Variants in TTC17 observed in about 807,000 individuals in gnomAD.
TTC17 encodes the protein tetratricopeptide repeat protein 17.
Under a neutral mutation model 143.8 loss-of-function variants are expected in TTC17, and 58 were observed. That is an observed-to-expected ratio of 0.40 (90% CI 0.33 to 0.50). The LOEUF (loss-of-function observed/expected upper bound fraction) is 0.50, where lower values mean the gene tolerates loss of function less well. Among genes scored for constraint, TTC17 ranks in the 20% least tolerant of loss-of-function variants. TTC17 has a pLI of 0.49. For synonymous variants in TTC17, 501 were observed against 497.8 expected (o/e 1.01, Z -0.09); for missense variants, 1,273 against 1,392.5 (o/e 0.91, Z 1.37).
intron 18 of TTC17, 109 bp from the exon 19 acceptor site, chr11:43,447,893 C>G (rs1057304906): frequency 1.5e-6 from 2 of 1,375,166 alleles, no homozygotes; most frequent in Non-Finnish European, 2.0e-6. Flanking sequence ...ACAGGAATGA[C>G]TAGCACCTCC....
chr11:43,390,678 GA>G (rs1278112420), intron 3 of TTC17, among the ~76,000 whole-genome samples: 2 of 149,972 alleles, frequency 1.3e-5, no homozygotes. Flanking sequence ...ATAAAAAAGA[GA>G]AAAAAATAAA....
At chr11:43,427,918 A>G (rs952460638) in intron 16 of TTC17, among the ~76,000 whole-genome samples, 3 of 152,220 alleles carry the variant, frequency 2.0e-5, no homozygotes, top group African/African-American at 7.2e-5. Flanking sequence ...CTACTCAGAT[A>G]ACTAAGTATT....
intron 16 of TTC17, among the ~76,000 whole-genome samples, chr11:43,421,518 C>T (rs1946904079): frequency 6.6e-6 from 1 of 152,128 alleles, no homozygotes; most frequent in Admixed American, 6.5e-5. Context: ...TACAGTCAGT[C>T]CCCATCACTC....
chr11:43,370,569 A>G (rs1590310894), intron 1 of TTC17, among the ~76,000 whole-genome samples: 1 of 152,090 alleles, frequency 6.6e-6, no homozygotes, highest in South Asian at 2.1e-4. Context: ...AAAAGATAAA[A>G]CATGTTACGT....
rs117568830 is a variant in TTC17, at chr11:43,482,189, T to C, written c.3031-8050T>C. On this transcript the variant is annotated intron_variant, in intron 21 of 23. Transcript: ENST00000039989. ...TCTCTTTCATTTATGTCTGCTCTTA[T>C]CTTTGTAATTTCCTTGTCTTCCGCT... is the stretch of plus-strand genomic sequence containing the variant. Among the ~76,000 whole-genome samples the C allele has an allele frequency of 7.2e-3, 1,093 of 151,964 alleles. 10 individuals carry two copies. Among genetic ancestry groups the C allele is most frequent in the Non-Finnish European group, 9.8e-3 (663 of 67,992 alleles).
rs1590438489 is a variant in TTC17 at position 43,447,933 on chromosome 11, CAGG to C, written c.2666-68_2666-66del. 8 of 1,566,788 alleles carry C rather than the reference CAGG, an allele frequency of 5.1e-6. No homozygotes were observed. In the East Asian group the frequency reaches 1.8e-4, roughly 35 times the overall value. On this transcript the variant is annotated intron_variant, in intron 18 of 23. Coordinates refer to ENST00000039989, the MANE Select transcript of TTC17 (RefSeq NM_018259.6). ...ACACCAATCCAGGTGAAGTAATCAC[CAGG>C]GCATAAGGCCCTTTGGGTTCTCTTC...
At chr11:43,408,891 A>T (rs924335628) in intron 15 of TTC17, among the ~76,000 whole-genome samples, 1 of 152,006 alleles carries the variant, frequency 6.6e-6, no homozygotes, top group South Asian at 2.1e-4. Flanking sequence ...ACAGGCATGC[A>T]CCACTGCGTA....
chr11:43,458,762 C>T (rs1286265303), intron 21 of TTC17, among the ~76,000 whole-genome samples: 3 of 152,272 alleles, frequency 2.0e-5, no homozygotes, highest in East Asian at 3.9e-4. Context: ...CCACAGTCAA[C>T]TGAGGTTCAA....
At chr11:43,484,243 CCA>C (rs1259054470) in intron 21 of TTC17, among the ~76,000 whole-genome samples, 31 of 152,156 alleles carry the variant, frequency 2.0e-4, no homozygotes, top group Non-Finnish European at 3.2e-4. Context: ...CCCAAAGACT[CCA>C]CAGTTTTTTA....
chr11:43,400,663 T>C (rs2134566841), intron 9 of TTC17, among the ~76,000 whole-genome samples: 1 of 152,348 alleles, frequency 6.6e-6, no homozygotes, highest in East Asian at 1.9e-4. Flanking sequence ...TCCAAAATTA[T>C]ATGTAGAATT....
Position 43,359,290 on chromosome 11 carries a change from C to T in TTC17, c.159+177C>T, listed in dbSNP as rs938288260. ...GACCAGGCAGGCACTTCCCGCTCCC[C>T]ACTTGTCTCCTGGTCCTCGTTTGGC... On this transcript the variant is annotated intron_variant, in intron 1 of 23. Coordinates refer to ENST00000039989, the MANE Select transcript of TTC17 (RefSeq NM_018259.6). 16 of 745,002 alleles carry T rather than the reference C, an allele frequency of 2.1e-5. No individual in the cohort carries two copies. In the African/African-American group the frequency reaches 2.4e-4, roughly 11 times the overall value. The allele number at this position is 745,002 out of a possible 1,614,324, so 46.1% of individuals were successfully genotyped here.
chr11:43,441,998 T>C (rs1053391972), intron 16 of TTC17, among the ~76,000 whole-genome samples: 10 of 152,122 alleles, frequency 6.6e-5, no homozygotes, highest in Non-Finnish European at 1.5e-4. Context: ...GGGAACATCA[T>C]AGAGTGTACT....
intron 21 of TTC17, among the ~76,000 whole-genome samples, chr11:43,478,662 CAGTG>C (rs1948230055): frequency 6.6e-6 from 1 of 152,104 alleles, no homozygotes; most frequent in Non-Finnish European, 1.5e-5. Context: ...GGCGAGAGTG[CAGTG>C]ACACAGTCTT....
intron 16 of TTC17, among the ~76,000 whole-genome samples, chr11:43,433,952 T>A (rs1359105064): frequency 3.3e-5 from 5 of 152,176 alleles, no homozygotes; most frequent in Non-Finnish European, 7.3e-5. Flanking sequence ...CATAATAAAT[T>A]ATACTCAATT....
At chr11:43,470,176 G>A (rs564601427) in intron 21 of TTC17, among the ~76,000 whole-genome samples, 3 of 152,194 alleles carry the variant, frequency 2.0e-5, no homozygotes, top group Non-Finnish European at 2.9e-5. Context: ...TACTGACCAC[G>A]TTAGATAGTC....
At chr11:43,437,546 A>G (rs1211225405) in intron 16 of TTC17, among the ~76,000 whole-genome samples, 2 of 152,182 alleles carry the variant, frequency 1.3e-5, no homozygotes, top group African/African-American at 4.8e-5. Context: ...CAGATTTGCA[A>G]GTTACTTAAT....
At chr11:43,407,301 T>C in intron 14 of TTC17, 52 bp from the exon 15 acceptor site, 1 of 1,582,732 alleles carries the variant, frequency 6.3e-7, no homozygotes, top group South Asian at 1.1e-5. Flanking sequence ...AAATCTTATT[T>C]AGAACAAGTA....
At chr11:43,398,617 T>A (rs899906976) in intron 8 of TTC17, among the ~76,000 whole-genome samples, 1 of 152,178 alleles carries the variant, frequency 6.6e-6, no homozygotes, top group African/African-American at 2.4e-5. Flanking sequence ...TAATCATGAT[T>A]GTGTGTTAGG....
intron 16 of TTC17, among the ~76,000 whole-genome samples, chr11:43,418,185 A>G (rs951387418): frequency 1.3e-5 from 2 of 152,218 alleles, no homozygotes; most frequent in African/African-American, 4.8e-5. Context: ...AATGTTTTCA[A>G]ACTTTTATTA....
Sources: allele counts gnomAD v4.1 joint callset (sites outside exome capture counted in the v4.1 genomes callset), GRCh38; gene constraint gnomAD v4.1.1; transcripts MANE v1.5; gene names NCBI Gene and HGNC (gene_info 2026-07-23, HGNC 2026-07-21).